Variants in HNRNPUL2 observed in about 807,000 individuals in gnomAD.
The protein encoded by HNRNPUL2 is heterogeneous nuclear ribonucleoprotein U-like protein 2.
A neutral mutation model predicts 102.2 loss-of-function variants in HNRNPUL2; 27 were observed. That is an observed-to-expected ratio of 0.26 (90% CI 0.19 to 0.36). The LOEUF is 0.36. Ranked by LOEUF, HNRNPUL2 falls within the 10% of genes least tolerant of loss-of-function variation. HNRNPUL2 has a pLI of 1.00. For missense variants in HNRNPUL2, 936 were observed against 981.1 expected, an observed-to-expected ratio of 0.95 and a Z score of 0.61; for synonymous variants, 458 against 387.2, an observed-to-expected ratio of 1.18 and a Z score of -2.15.
Position 62,722,676 on chromosome 11 carries a change from T to A in HNRNPUL2, c.1020A>T (p.Gly340=). 1 of 1,614,102 alleles carries A rather than the reference T, an allele frequency of 6.2e-7. No homozygotes were observed. Among genetic ancestry groups the A allele is most frequent in the Non-Finnish European group, 8.5e-7 (1 of 1,180,018 alleles). The change falls in exon 6 of 14, where the codon GGA becomes GGT. Residue 340 remains glycine, a synonymous_variant. Transcript: ENST00000301785. ...CAAATTGTCCATTTTCTGCCTTGAG[T>A]CCTCGTCCATCGAAACCGTAAGAGA... The part of the protein sequence containing the change: ...DEFSYGFDGR[G]LKAENGQFEE...
chr11:62,722,916 G>C lies in HNRNPUL2; in HGVS notation c.892-13C>G. Reference sequence around the variant, plus strand: ...GATTCTGGGTTACCTGGCCAAGTCAGAAAGGGAACTATTAGATATTGTGAC... The same window carrying C: ...GATTCTGGGTTACCTGGCCAAGTCACAAAGGGAACTATTAGATATTGTGAC... On this transcript the variant is annotated splice_polypyrimidine_tract_variant and intron_variant, in intron 4 of 13. Transcript: ENST00000301785. 3 of 1,607,128 alleles carry C rather than the reference G, an allele frequency of 1.9e-6. No homozygotes were observed. Among genetic ancestry groups the C allele is most frequent in the Non-Finnish European group, 2.6e-6 (3 of 1,173,702 alleles).
At position 62,717,125 on chromosome 11, in the gene HNRNPUL2, C is replaced by G; in HGVS notation, c.1845G>C (p.Lys615Asn). 1 of 1,614,154 alleles carries G rather than the reference C, an allele frequency of 6.2e-7. No homozygotes were observed. Among genetic ancestry groups the G allele is most frequent in the Non-Finnish European group, 8.5e-7 (1 of 1,180,022 alleles). The change falls in exon 11 of 14, where the codon AAG becomes AAC. Residue 615 changes from lysine to asparagine, a missense_variant. By Grantham distance (94) the Lys-to-Asn change is moderately conservative. Around this residue, in one of 2 missense-constraint regions of HNRNPUL2, gnomAD observed 609 missense variants for 713.0 expected, o/e 0.85. Coordinates refer to ENST00000301785, the MANE Select transcript of HNRNPUL2 (RefSeq NM_001079559.3). ...MDEVTYGELE[K>N]EEAQPIVTKY... is the part of the protein sequence containing the mutation. Reference sequence around the variant, plus strand: ...TAGTGACAATGGGCTGAGCTTCCTCCTTCTCCAGCTCCCCATATGTCACCT... The same window carrying G: ...TAGTGACAATGGGCTGAGCTTCCTCGTTCTCCAGCTCCCCATATGTCACCT...
chr11:62,713,298 A>G lies in HNRNPUL2; in HGVS notation c.*2001T>C, dbSNP rs966706197. On this transcript the variant is annotated 3_prime_UTR_variant, in exon 14 of 14. Transcript: ENST00000301785. ...GGGGTGGCAGCCACTGCCTCAGGAA[A>G]TTCAATTTTCTATTATAACATAATC... 2.0e-5 allele frequency: 3 copies of G among 152,196 alleles called. No individual in the cohort carries two copies. Among genetic ancestry groups the G allele is most frequent in the Non-Finnish European group, 4.4e-5 (3 of 68,034 alleles). 9.4% of individuals were successfully genotyped at this position (152,196 alleles called of 1,614,324 possible).
At position 62,722,863 on chromosome 11, in the gene HNRNPUL2, A is replaced by G; in HGVS notation, c.932T>C (p.Val311Ala). The change falls in exon 5 of 14, where the codon GTC (valine) becomes GCC (alanine). Residue 311 changes from valine (V) to alanine (A), a missense_variant. Val to Ala is a moderately conservative substitution (Grantham distance 64). Coordinates refer to ENST00000301785, the MANE Select transcript of HNRNPUL2 (RefSeq NM_001079559.3). Reference sequence around the variant, plus strand: ...AGACCACCCAACTCGAAGGAGAGAGACCTCTGTGCAGCCTTCTTTCATTGG... The same window carrying G: ...AGACCACCCAACTCGAAGGAGAGAGGCCTCTGTGCAGCCTTCTTTCATTGG... ...NLPMKEGCTE[V>A]SLLRVGWSVD... The G allele has an allele frequency of 6.2e-7, 1 of 1,614,074 alleles. No homozygotes were observed. Among genetic ancestry groups the G allele is most frequent in the Non-Finnish European group, 8.5e-7 (1 of 1,180,016 alleles).
rs1160086338 is a variant in HNRNPUL2, at chr11:62,726,859, C to G, written c.298G>C (p.Ala100Pro). 4 of 1,584,448 alleles carry G rather than the reference C, an allele frequency of 2.5e-6. No homozygotes were observed. Among genetic ancestry groups the G allele is most frequent in the African/African-American group, 1.4e-5 (1 of 73,476 alleles). ...LEDEDEEPPP[A>P]QALGQAAQPP... Reference sequence around the variant, plus strand: ...TGCGCGGCCTGACCCAAGGCTTGAGCAGGGGGTGGCTCCTCGTCCTCGTCC... The same window carrying G: ...TGCGCGGCCTGACCCAAGGCTTGAGGAGGGGGTGGCTCCTCGTCCTCGTCC... Residue 100 changes from alanine to proline, a missense_variant, in exon 1 of 14, where the codon GCT becomes CCT. Ala to Pro is a conservative substitution (Grantham distance 27). Around this residue, in one of 2 missense-constraint regions of HNRNPUL2, gnomAD observed 327 missense variants for 268.1 expected, o/e 1.22. Coordinates refer to ENST00000301785, the MANE Select transcript of HNRNPUL2 (RefSeq NM_001079559.3).
Position 62,720,046 on chromosome 11 carries a change from T to G in HNRNPUL2, c.1757A>C (p.Glu586Ala). ...ACCTTTCATCTCCAGCATTATAGAT[T>G]CAGGCACATCATCTCCCTCTACTTC... ...RKEVEGDDVP[E>A]SIMLEMKANF... The change falls in exon 10 of 14, where the codon GAA becomes GCA. Residue 586 changes from glutamate to alanine, a missense_variant. By Grantham distance (107) the Glu-to-Ala change is moderately radical. Around this residue, in one of 2 missense-constraint regions of HNRNPUL2, gnomAD observed 609 missense variants for 713.0 expected, o/e 0.85. Transcript: ENST00000301785. The G allele has an allele frequency of 6.2e-7, 1 of 1,614,162 alleles. No individual in the cohort carries two copies. The highest frequency in any genetic ancestry group is 8.5e-7 in the Non-Finnish European group (1 of 1,180,008).
chr11:62,716,736 A>C (rs1457493868), intron 11 of HNRNPUL2, among the ~76,000 whole-genome samples: 1 of 152,264 alleles, frequency 6.6e-6, no homozygotes, highest in African/African-American at 2.4e-5. Flanking sequence ...ATTGCTTTTC[A>C]AAGAAACAAA....
chr11:62,727,072 G>C lies in HNRNPUL2; in HGVS notation c.85C>G (p.Leu29Val). ...GLDSRGLKVDLAQRLQEALDA... is the reference protein window; with the variant it reads ...GLDSRGLKVDVAQRLQEALDA... ...AGCGCCTCCTGCAGCCGCTGCGCCA[G>C]ATCCACCTTGAGGCCGCGCGAGTCC... Residue 29 changes from leucine (L) to valine (V), a missense_variant, in exon 1 of 14, where the codon CTG (leucine) becomes GTG (valine). Leu to Val is a conservative substitution (Grantham distance 32). Transcript: ENST00000301785. The C allele has an allele frequency of 7.0e-7, 1 of 1,436,094 alleles. No homozygotes were observed. Among genetic ancestry groups the C allele is most frequent in the Non-Finnish European group, 9.1e-7 (1 of 1,095,172 alleles). The allele number at this position is 1,436,094 out of a possible 1,614,324, so 89.0% of individuals were successfully genotyped here.
chr11:62,723,863 T>C (rs1182619113), intron 3 of HNRNPUL2, 51 bp downstream of exon 3: 26 of 1,593,886 alleles, frequency 1.6e-5, no homozygotes, highest in Non-Finnish European at 1.9e-5. Context: ...ATCTCCAAAA[T>C]CACTTTTAGG....
At position 62,726,998 on chromosome 11, in the gene HNRNPUL2, G is replaced by A. The variant is rs1316336282; in HGVS notation, c.159C>T (p.Pro53=). Residue 53 remains proline, a synonymous_variant, in exon 1 of 14, where the codon CCC becomes CCT. Coordinates refer to ENST00000301785, the MANE Select transcript of HNRNPUL2 (RefSeq NM_001079559.3). ...EDEAGGGGAG[P]GGACKAEPRP... ...GAGGCTCCGCCTTGCAGGCCCCGCCGGGCCCGGCCCCGCCGCCGCCGGCCT... is the reference window on the plus strand; with the variant it reads ...GAGGCTCCGCCTTGCAGGCCCCGCCAGGCCCGGCCCCGCCGCCGCCGGCCT... 2 of 1,359,046 alleles carry A rather than the reference G, an allele frequency of 1.5e-6. No individual in the cohort carries two copies. Among genetic ancestry groups the A allele is most frequent in the African/African-American group, 1.5e-5 (1 of 65,554 alleles). The allele number at this position is 1,359,046 out of a possible 1,614,324, so 84.2% of individuals were successfully genotyped here. A position where few individuals can be genotyped will look rare whatever the true frequency, so the allele number is the denominator to read the frequency against.
At chr11:62,722,967 G>T in intron 4 of HNRNPUL2, 64 bp from the exon 5 acceptor site, 1 of 1,221,442 alleles carries the variant, frequency 8.2e-7, no homozygotes, top group African/African-American at 1.5e-5. Flanking sequence ...CTCTGAGTTC[G>T]AAGGACAAGA....
chr11:62,724,376 G>A lies in HNRNPUL2; in HGVS notation c.589C>T (p.Arg197Trp). The A allele has an allele frequency of 1.2e-6, 2 of 1,614,058 alleles. No homozygotes were observed. Among genetic ancestry groups the A allele is most frequent in the African/African-American group, 1.3e-5 (1 of 74,988 alleles). The change falls in exon 2 of 14, where the codon CGG (arginine) becomes TGG (tryptophan). Residue 197 changes from arginine (R) to tryptophan (W), a missense_variant. Around this residue, in one of 2 missense-constraint regions of HNRNPUL2, gnomAD observed 609 missense variants for 713.0 expected, o/e 0.85. Coordinates refer to ENST00000301785, the MANE Select transcript of HNRNPUL2 (RefSeq NM_001079559.3). The stretch of plus-strand genomic sequence containing the variant: ...TCCCGCTGTCTCTTTACCCCCCGCC[G>A]CTCACCATCTGAGCCTGCTGGTTTT... ...KSKPAGSDGE[R>W]RGVKRQRDEK...
Position 62,722,585 on chromosome 11 carries a change from T to C in HNRNPUL2, c.1095+16A>G, listed in dbSNP as rs2083711881. On this transcript the variant is annotated intron_variant, in intron 6 of 13. Coordinates refer to ENST00000301785, the MANE Select transcript of HNRNPUL2 (RefSeq NM_001079559.3). ...TCCGCTCCTTGTTATAACCCACAAC[T>C]TTCAGGAGCACTTACAGCAAAGCAG... 1 of 1,596,646 alleles carries C rather than the reference T, an allele frequency of 6.3e-7. No individual in the cohort carries two copies. The highest frequency in any genetic ancestry group is 2.2e-5 in the East Asian group (1 of 44,798).
rs756618434 is a variant in HNRNPUL2, at chr11:62,721,812, C to A, written c.1482+8G>T. ...ACTGTATCCGACAAATCCCCAACAGCAACTTACCCTCATTTGATTGAGCAC... is the reference window on the plus strand; with the variant it reads ...ACTGTATCCGACAAATCCCCAACAGAAACTTACCCTCATTTGATTGAGCAC... On this transcript the variant is annotated splice_region_variant and intron_variant, in intron 8 of 13. Coordinates refer to ENST00000301785, the MANE Select transcript of HNRNPUL2 (RefSeq NM_001079559.3). 5.6e-6 allele frequency: 9 copies of A among 1,613,976 alleles called. No homozygotes were observed. The South Asian group carries it at 8.8e-5, about 16-fold the overall frequency.
Position 62,727,269 on chromosome 11 carries a change from T to A in HNRNPUL2, c.-113A>T. The A allele has an allele frequency of 8.4e-7, 1 of 1,183,968 alleles. No individual in the cohort carries two copies. Among genetic ancestry groups the A allele is most frequent in the East Asian group, 3.5e-5 (1 of 28,380 alleles). The allele number at this position is 1,183,968 out of a possible 1,614,324, so 73.3% of individuals were successfully genotyped here. A position where few individuals can be genotyped will look rare whatever the true frequency, so the allele number is the denominator to read the frequency against. ...CCGCCTCCGCCTCACGCGCCAGCAC[T>A]GAGCCCGCGCGAGCGAGCGCACGCA... On this transcript the variant is annotated 5_prime_UTR_variant, in exon 1 of 14. Coordinates refer to ENST00000301785, the MANE Select transcript of HNRNPUL2 (RefSeq NM_001079559.3).
chr11:62,715,908 G>C lies in HNRNPUL2; in HGVS notation c.2011C>G (p.Arg671Gly). Residue 671 changes from arginine to glycine, a missense_variant, in exon 12 of 14, where the codon CGG becomes GGG. Arg to Gly is a moderately radical substitution (Grantham distance 125). This residue lies in a region of HNRNPUL2 where 609 missense variants were observed against 713.0 expected (regional missense o/e 0.85). Transcript: ENST00000301785. ...CCCCAGTACTGCTGCCCGTAGGCCCGGTTGTCGTAGCCTCGGCGCTGCCCG... is the reference window on the plus strand; with the variant it reads ...CCCCAGTACTGCTGCCCGTAGGCCCCGTTGTCGTAGCCTCGGCGCTGCCCG... ...VGGQRRGYDN[R>G]AYGQQYWGQP... is the part of the protein sequence containing the mutation. 6.2e-7 allele frequency: 1 copy of C among 1,611,630 alleles called. No homozygotes were observed. Among genetic ancestry groups the C allele is most frequent in the Non-Finnish European group, 8.5e-7 (1 of 1,178,902 alleles).
At chr11:62,726,583 G>C (rs1426417216) in intron 1 of HNRNPUL2, 36 bp downstream of exon 1, 3 of 1,488,242 alleles carry the variant, frequency 2.0e-6, no homozygotes, top group Middle Eastern at 1.9e-4. Context: ...GGCGCAGCCG[G>C]CAGGTTGGAG....
Position 62,727,330 on chromosome 11 carries a change from A to C in HNRNPUL2, c.-174T>G. On this transcript the variant is annotated 5_prime_UTR_variant, in exon 1 of 14. Coordinates refer to ENST00000301785, the MANE Select transcript of HNRNPUL2 (RefSeq NM_001079559.3). ...GAGGCCGCGCACGGTCCCGCTGCGC[A>C]GTGTTTGCTTCTCCTTCGTCTCCCC... 1 of 798,066 alleles carries C rather than the reference A, an allele frequency of 1.3e-6. No individual in the cohort carries two copies. The highest frequency in any genetic ancestry group is 1.8e-5 in the African/African-American group (1 of 55,102). 49.4% of individuals were successfully genotyped at this position (798,066 alleles called of 1,614,324 possible). A position where few individuals can be genotyped will look rare whatever the true frequency, so the allele number is the denominator to read the frequency against.
At chr11:62,721,765 T>C in intron 8 of HNRNPUL2, 55 bp downstream of exon 8, 5 of 1,568,584 alleles carry the variant, frequency 3.2e-6, no homozygotes, top group Non-Finnish European at 4.4e-6. Context: ...CCATTAAAGA[T>C]AGGTTATAAG....
Sources: allele counts gnomAD v4.1 joint callset (sites outside exome capture counted in the v4.1 genomes callset), GRCh38; gene constraint gnomAD v4.1.1; regional missense constraint gnomAD v4.1.1; transcripts MANE v1.5; gene names NCBI Gene and HGNC (gene_info 2026-07-23, HGNC 2026-07-21).